Variants in FBN2 observed in about 807,000 individuals in gnomAD.
FBN2 encodes the protein fibrillin 2, also known as fibrillin-2.
In FBN2, 105 loss-of-function variants were observed where a neutral mutation model predicts 355.6. The ratio of observed to expected loss-of-function variants is 0.30; its 90% CI spans 0.25 to 0.35. FBN2 has a LOEUF of 0.35. Ranked by LOEUF, FBN2 falls within the 10% of genes least tolerant of loss-of-function variation. The pLI is 1.00. For missense variants in FBN2, 3,280 were observed against 3,758.7 expected, an observed-to-expected ratio of 0.87 and a Z score of 3.33; for synonymous variants, 1,350 against 1,301.2, an observed-to-expected ratio of 1.04 and a Z score of -0.81.
intron 23 of FBN2, among the ~76,000 whole-genome samples, chr5:128,346,768 A>ATCTCTACT (rs1173247522): frequency 6.6e-6 from 1 of 152,106 alleles, no homozygotes; most frequent in African/African-American, 2.4e-5. Flanking sequence ...GCGAAAACCC[A>ATCTCTACT]TCTCTACTAA....
intron 5 of FBN2, among the ~76,000 whole-genome samples, chr5:128,487,659 A>C (rs2127119959): frequency 6.6e-6 from 1 of 151,372 alleles, no homozygotes; most frequent in South Asian, 2.1e-4. Context: ...CTTCTTAGTA[A>C]ATTTGAAGAA....
chr5:128,271,544 C>G (rs1004686923), intron 62 of FBN2, among the ~76,000 whole-genome samples: 15 of 152,334 alleles, frequency 9.8e-5, no homozygotes, highest in African/African-American at 3.4e-4. Flanking sequence ...AACCTTAAAA[C>G]ACTTCCCATC....
At chr5:128,522,403 C>T (rs998555135) in intron 4 of FBN2, among the ~76,000 whole-genome samples, 2 of 152,180 alleles carry the variant, frequency 1.3e-5, no homozygotes, top group African/African-American at 4.8e-5. Context: ...CACCACACCA[C>T]CTCTCTGATT....
At chr5:128,446,758 C>T (rs1754076336) in intron 6 of FBN2, 152 bp from the exon 7 acceptor site, 1 of 649,312 alleles carries the variant, frequency 1.5e-6, no homozygotes, top group Admixed American at 2.6e-5. Context: ...CCTTTGTATG[C>T]ATATGTTTTA....
intron 55 of FBN2, among the ~76,000 whole-genome samples, chr5:128,283,630 T>C (rs538127455): frequency 6.6e-6 from 1 of 152,336 alleles, no homozygotes; most frequent in African/African-American, 2.4e-5. Flanking sequence ...CTCTTGGTGT[T>C]CTCAGTCAAT....
At chr5:128,505,504 A>G (rs192609812) in intron 5 of FBN2, among the ~76,000 whole-genome samples, 3 of 152,260 alleles carry the variant, frequency 2.0e-5, no homozygotes, top group Admixed American at 2.0e-4. Flanking sequence ...AGCATCATAT[A>G]TTTAAAGTGT....
intron 19 of FBN2, among the ~76,000 whole-genome samples, chr5:128,360,096 C>G (rs975133814): frequency 9.9e-5 from 15 of 152,074 alleles, no homozygotes; most frequent in African/African-American, 3.1e-4. Context: ...TTAACGGAAG[C>G]TTATCCTCCA....
chr5:128,344,618 A>G (rs1751119443), intron 24 of FBN2, 108 bp from the exon 25 acceptor site: 1 of 982,732 alleles, frequency 1.0e-6, no homozygotes, highest in African/African-American at 1.6e-5. Flanking sequence ...GCATCCAAGT[A>G]AAAAACAGGG....
At position 128,522,531 on chromosome 5, in the gene FBN2, A is replaced by G. The variant is rs558621003; in HGVS notation, c.533-3163T>C. Among the ~76,000 whole-genome samples, 76 of 152,326 alleles carry G rather than the reference A, an allele frequency of 5.0e-4. 1 individual carries two copies. Among genetic ancestry groups the G allele is most frequent in the Admixed American group, 3.0e-3 (46 of 15,298 alleles). On this transcript the variant is annotated intron_variant, in intron 4 of 64. Coordinates refer to ENST00000262464, the MANE Select transcript of FBN2 (RefSeq NM_001999.4). Reference sequence around the variant, plus strand: ...AGTGGCTGCACGCTGAAGGTATTCTACATTCTTAATTTCCTTCCTCTTTTA... The same window carrying G: ...AGTGGCTGCACGCTGAAGGTATTCTGCATTCTTAATTTCCTTCCTCTTTTA...
Position 128,488,589 on chromosome 5 carries a change from G to A in FBN2, c.629-23668C>T, listed in dbSNP as rs182044886. Among the ~76,000 whole-genome samples the A allele has an allele frequency of 7.2e-5, 11 of 151,990 alleles. No individual in the cohort carries two copies. In the East Asian group the frequency reaches 2.1e-3, roughly 29 times the overall value. On this transcript the variant is annotated intron_variant, in intron 5 of 64. Coordinates refer to ENST00000262464, the MANE Select transcript of FBN2 (RefSeq NM_001999.4). ...ATATGCATACATGTGCCATGCTGGT[G>A]TGCTGTGCCCATTAACTCGTCATTT...
At chr5:128,416,391 C>T (rs977705596) in intron 7 of FBN2, among the ~76,000 whole-genome samples, 14 of 152,170 alleles carry the variant, frequency 9.2e-5, no homozygotes, top group African/African-American at 3.4e-4. Context: ...TTATTTCCTT[C>T]GCTGTTCAGA....
chr5:128,479,930 GTCTCTCTCTCTCTCTCTCTCTCTC>G (rs1180726296), intron 5 of FBN2, among the ~76,000 whole-genome samples: 11 of 58,148 alleles, frequency 1.9e-4, no homozygotes, highest in Non-Finnish European at 3.1e-4. Flanking sequence ...TTGTCTCCTT[GTCTCTCTCTCTCTCTCTCTCTCTC>G]TCTCTCTCTC....
At chr5:128,398,222 A>T (rs898607868) in intron 8 of FBN2, among the ~76,000 whole-genome samples, 24 of 152,122 alleles carry the variant, frequency 1.6e-4, no homozygotes, top group African/African-American at 4.8e-4. Flanking sequence ...GTCTCAAAAA[A>T]TTCTCATAAA....
In FBN2 at chr5:128,377,947, A is replaced by C. The variant is rs544358702; in HGVS notation, c.1724-70T>G. On this transcript the variant is annotated intron_variant, in intron 12 of 64. Transcript: ENST00000262464. ...TATAGATAAACACAGTAAGATAAGA[A>C]ATGGAATTTTAAATATTCAAAATCA... The C allele has an allele frequency of 1.7e-5, 24 of 1,437,466 alleles. No homozygotes were observed. The African/African-American group carries it at 3.4e-4, about 20-fold the overall frequency. 89.0% of individuals were successfully genotyped at this position (1,437,466 alleles called of 1,614,324 possible). A position where few individuals can be genotyped will look rare whatever the true frequency, so the allele number is the denominator to read the frequency against.
At chr5:128,288,679 G>C in intron 52 of FBN2, 122 bp from the exon 53 acceptor site, 1 of 1,124,348 alleles carries the variant, frequency 8.9e-7, no homozygotes, top group Non-Finnish European at 1.3e-6. Flanking sequence ...TGTAACCCTG[G>C]CATCCCTTGG....
chr5:128,316,085 C>T (rs1750192664), intron 36 of FBN2, among the ~76,000 whole-genome samples: 1 of 152,120 alleles, frequency 6.6e-6, no homozygotes, highest in Admixed American at 6.5e-5. Flanking sequence ...CAACTGTGTT[C>T]AATAAATGCT....
intron 11 of FBN2, among the ~76,000 whole-genome samples, chr5:128,383,336 T>C (rs1752283973): frequency 6.6e-6 from 1 of 151,986 alleles, no homozygotes; most frequent in Non-Finnish European, 1.5e-5. Flanking sequence ...GAATTCAAAA[T>C]GGATCATAGG....
At chr5:128,350,454 G>A (rs1751320462) in intron 21 of FBN2, among the ~76,000 whole-genome samples, 1 of 152,192 alleles carries the variant, frequency 6.6e-6, no homozygotes, top group South Asian at 2.1e-4. Flanking sequence ...GGGAAGCTGA[G>A]GCAGGAGAAT....
Position 128,278,776 on chromosome 5 carries a change from G to C in FBN2, c.7204C>G (p.Arg2402Gly). The stretch of plus-strand genomic sequence containing the variant: ...CATTCTGACTTAGTGACGAGATTGC[G>C]ACTACTGGATGCCATTTGACATATT... Reference protein sequence around the residue: ...QTICQMASSSRNLVTKSECCC... With the variant: ...QTICQMASSSGNLVTKSECCC... The change falls in exon 57 of 65, where the codon CGC (arginine) becomes GGC (glycine). Residue 2402 changes from arginine (R) to glycine (G), a missense_variant. By Grantham distance (125) the Arg-to-Gly change is moderately radical. Transcript: ENST00000262464. 6.2e-7 allele frequency: 1 copy of C among 1,614,064 alleles called. No homozygotes were observed. Among genetic ancestry groups the C allele is most frequent in the Non-Finnish European group, 8.5e-7 (1 of 1,179,986 alleles).
Sources: allele counts gnomAD v4.1 joint callset (sites outside exome capture counted in the v4.1 genomes callset), GRCh38; gene constraint gnomAD v4.1.1; transcripts MANE v1.5; gene names NCBI Gene and HGNC (gene_info 2026-07-23, HGNC 2026-07-21).